Variants in CNTN5 observed in about 807,000 individuals in gnomAD.
The protein encoded by CNTN5 is contactin-5.
CNTN5 carries 77 observed loss-of-function variants against 129.1 expected under a neutral mutation model. The observed-to-expected ratio is 0.60, with a 90% CI of 0.50 to 0.72. The LOEUF (loss-of-function observed/expected upper bound fraction) is 0.72. Among genes scored for constraint, CNTN5 ranks in the 30% least tolerant of loss-of-function variants. The pLI is 0.00. For missense variants in CNTN5, 1,478 were observed against 1,328.8 expected (o/e 1.11, Z -1.75); for synonymous variants, 509 against 465.6 (o/e 1.09, Z -1.20).
At chr11:100,330,129 T>G (rs1951874682) in intron 21 of CNTN5, among the ~76,000 whole-genome samples, 1 of 151,830 alleles carries the variant, frequency 6.6e-6, no homozygotes, top group South Asian at 2.1e-4. Flanking sequence ...CAGCACAAAT[T>G]TAAAAAAATC....
intron 1 of CNTN5, among the ~76,000 whole-genome samples, chr11:99,141,865 G>T (rs1859531411): frequency 6.6e-6 from 1 of 152,032 alleles, no homozygotes; most frequent in Non-Finnish European, 1.5e-5. Flanking sequence ...ATGTGTAGTT[G>T]GTATGATTTC....
At chr11:99,208,779 G>A (rs1040131296) in intron 1 of CNTN5, among the ~76,000 whole-genome samples, 6 of 152,058 alleles carry the variant, frequency 3.9e-5, no homozygotes, top group Admixed American at 6.6e-5. Flanking sequence ...TAAGTAGGCA[G>A]CTTTTAAAAT....
intron 3 of CNTN5, among the ~76,000 whole-genome samples, chr11:99,687,783 T>G (rs778049452): frequency 1.3e-5 from 2 of 152,232 alleles, no homozygotes; most frequent in African/African-American, 2.4e-5. Context: ...GCAAAAGTCT[T>G]GGTAATATGT....
chr11:100,116,621 G>T (rs1221636483), intron 13 of CNTN5, among the ~76,000 whole-genome samples: 1 of 151,704 alleles, frequency 6.6e-6, no homozygotes, highest in Non-Finnish European at 1.5e-5. Flanking sequence ...TAGCTTCTGA[G>T]AGACAAATAG....
chr11:99,854,132 A>G (rs1947960001), intron 6 of CNTN5, among the ~76,000 whole-genome samples: 1 of 152,202 alleles, frequency 6.6e-6, no homozygotes, highest in Non-Finnish European at 1.5e-5. Flanking sequence ...CAAAATCAGT[A>G]CAAACCATTC....
At chr11:99,512,446 T>A (rs1210932253) in intron 2 of CNTN5, among the ~76,000 whole-genome samples, 1 of 152,192 alleles carries the variant, frequency 6.6e-6, no homozygotes, top group East Asian at 1.9e-4. Flanking sequence ...AATATATCCC[T>A]GCCATTAAGT....
At chr11:99,093,654 G>C (rs1866346450) in intron 1 of CNTN5, among the ~76,000 whole-genome samples, 1 of 152,008 alleles carries the variant, frequency 6.6e-6, no homozygotes, top group African/African-American at 2.4e-5. Context: ...AATGTCAAAT[G>C]AATGCTTTTG....
At chr11:100,210,917 T>C (rs1268138150) in intron 15 of CNTN5, among the ~76,000 whole-genome samples, 3 of 152,178 alleles carry the variant, frequency 2.0e-5, no homozygotes, top group Admixed American at 1.3e-4. Context: ...AGAAACCCAA[T>C]GTGCTGCCAA....
chr11:100,229,925 T>G (rs547800338), intron 16 of CNTN5, among the ~76,000 whole-genome samples: 1 of 152,264 alleles, frequency 6.6e-6, no homozygotes, highest in South Asian at 2.1e-4. Flanking sequence ...GCATAAGCCT[T>G]CACATGGTTG....
chr11:99,457,148 A>G (rs951137598), intron 2 of CNTN5, among the ~76,000 whole-genome samples: 1 of 152,010 alleles, frequency 6.6e-6, no homozygotes, highest in African/African-American at 2.4e-5. Context: ...TATTCAGGTA[A>G]TGAAGAGTCA....
intron 17 of CNTN5, among the ~76,000 whole-genome samples, chr11:100,265,840 T>C (rs189662156): frequency 7.2e-4 from 110 of 152,266 alleles, no homozygotes; most frequent in African/African-American, 1.9e-3. Context: ...TCTTTTCCAC[T>C]CAAGCAAATG....
intron 6 of CNTN5, among the ~76,000 whole-genome samples, chr11:99,885,704 G>A (rs371011320): frequency 7.8e-4 from 119 of 152,110 alleles, no homozygotes; most frequent in African/African-American, 8.0e-4. Context: ...AGTTAATAAC[G>A]TAGATATCTC....
At chr11:99,756,621 A>G (rs1212778693) in intron 3 of CNTN5, among the ~76,000 whole-genome samples, 1 of 152,038 alleles carries the variant, frequency 6.6e-6, no homozygotes, top group Non-Finnish European at 1.5e-5. Context: ...CTGTGGTAAG[A>G]TCTTTGAACA....
chr11:100,274,833 C>T (rs1301901435), intron 18 of CNTN5, among the ~76,000 whole-genome samples: 1 of 152,214 alleles, frequency 6.6e-6, no homozygotes, highest in African/African-American at 2.4e-5. Flanking sequence ...GTGACGACAA[C>T]TCAAAGACCT....
At chr11:99,728,602 T>C (rs1943429528) in intron 3 of CNTN5, among the ~76,000 whole-genome samples, 1 of 152,212 alleles carries the variant, frequency 6.6e-6, no homozygotes, top group Non-Finnish European at 1.5e-5. Context: ...CATAGTGATG[T>C]AGAACAAAGT....
intron 1 of CNTN5, among the ~76,000 whole-genome samples, chr11:99,126,774 A>C (rs1858655603): frequency 6.6e-6 from 1 of 152,094 alleles, no homozygotes; most frequent in East Asian, 1.9e-4. Context: ...TCAAAATTCA[A>C]ATTTTTCTCT....
intron 2 of CNTN5, among the ~76,000 whole-genome samples, chr11:99,501,337 G>A (rs1946420271): frequency 1.3e-5 from 2 of 152,302 alleles, no homozygotes; most frequent in South Asian, 4.1e-4. Flanking sequence ...AGCCAATTAT[G>A]AAGGGAGAAA....
intron 1 of CNTN5, among the ~76,000 whole-genome samples, chr11:99,279,630 C>T (rs1012672349): frequency 2.0e-5 from 3 of 151,506 alleles, no homozygotes; most frequent in Non-Finnish European, 4.4e-5. Flanking sequence ...TAAACCATTC[C>T]ATCATGTAGT....
intron 16 of CNTN5, among the ~76,000 whole-genome samples, chr11:100,250,450 TACCATGTTGGACGTTC>T (rs1408060181): frequency 6.6e-6 from 1 of 152,106 alleles, no homozygotes; most frequent in Non-Finnish European, 1.5e-5. Flanking sequence ...GTATGTCAAG[TACCATGTTGGACGTTC>T]AGATAAGTGG....
Sources: allele counts gnomAD v4.1 joint callset (sites outside exome capture counted in the v4.1 genomes callset), GRCh38; gene constraint gnomAD v4.1.1; transcripts MANE v1.5; gene names NCBI Gene and HGNC (gene_info 2026-07-23, HGNC 2026-07-21).